Variants in KAT8 observed in about 807,000 individuals in gnomAD.
The protein encoded by KAT8 is lysine acetyltransferase 8.
Under a neutral mutation model 62.9 loss-of-function variants are expected in KAT8, and 40 were observed. That is an observed-to-expected ratio of 0.64 (90% CI 0.49 to 0.83). The LOEUF (loss-of-function observed/expected upper bound fraction) is 0.83. KAT8 is among the 40% of genes least tolerant of loss of function. The pLI, the probability that KAT8 is intolerant of heterozygous loss-of-function variation, is 0.00. For synonymous variants in KAT8, 278 were observed against 254.5 expected, an observed-to-expected ratio of 1.09 and a Z score of -0.88; for missense variants, 387 against 614.8, an observed-to-expected ratio of 0.63 and a Z score of 3.92.
Position 31,117,817 on chromosome 16 carries a change from C to G in KAT8, c.136C>G (p.Pro46Ala). The G allele has an allele frequency of 7.0e-7, 1 of 1,436,926 alleles. No homozygotes were observed. Among genetic ancestry groups the G allele is most frequent in the Non-Finnish European group, 9.2e-7 (1 of 1,085,306 alleles). The allele number at this position is 1,436,926 out of a possible 1,614,324, so 89.0% of individuals were successfully genotyped here. Residue 46 changes from proline to alanine, a missense_variant, in exon 1 of 11, where the codon CCG (proline) becomes GCG (alanine). By Grantham distance (27) the Pro-to-Ala change is conservative (BLOSUM62 -1). This residue lies in a region of KAT8 where 92 missense variants were observed against 78.8 expected (regional missense o/e 1.17). Transcript: ENST00000219797. ...PSPGRVSPPT[P>A]ARGEPEVTVE... is the part of the protein sequence containing the mutation. ...CCCGGGCCGCGTCTCTCCGCCGACC[C>G]CGGCGCGCGGCGAGCCGGAAGTCAC...
At chr16:31,118,298 C>T (rs2143961589) in intron 1 of KAT8, 1 of 168,042 alleles carries the variant, frequency 6.0e-6, no homozygotes, top group East Asian at 1.6e-4. Flanking sequence ...CTTCCCTTTC[C>T]TAAAGTTCTG....
chr16:31,117,937 CA>C (rs1432702395), intron 1 of KAT8, 45 bp downstream of exon 1: 14 of 1,213,722 alleles, frequency 1.2e-5, no homozygotes, highest in South Asian at 5.7e-5. Flanking sequence ...AGCTCAGGGC[CA>C]GGGGGTGGGG....
intron 3 of KAT8, 35 bp from the exon 4 acceptor site, chr16:31,127,000 T>C (rs772508917): frequency 6.2e-7 from 1 of 1,613,374 alleles, no homozygotes; most frequent in Non-Finnish European, 8.5e-7. Context: ...TCACCACTTC[T>C]GTTCACCTCT....
intron 3 of KAT8, among the ~76,000 whole-genome samples, chr16:31,123,377 T>G (rs2057511592): frequency 6.6e-6 from 1 of 150,994 alleles, no homozygotes; most frequent in African/African-American, 2.4e-5. Context: ...CCATCATGCC[T>G]GGCTAATTTT....
intron 1 of KAT8, 109 bp from the exon 2 acceptor site, chr16:31,120,077 G>A (rs2057481948): frequency 2.4e-6 from 2 of 833,158 alleles, no homozygotes; most frequent in Non-Finnish European, 4.1e-6. Context: ...GTGGACCAGT[G>A]AGGTTAGCTG....
chr16:31,117,961 A>G, intron 1 of KAT8, 69 bp downstream of exon 1: 6 of 1,171,076 alleles, frequency 5.1e-6, no homozygotes, highest in Non-Finnish European at 5.5e-6. Context: ...GGGCCTGAGG[A>G]CAGGCTGTCA....
chr16:31,129,478 G>T (rs9936329), intron 6 of KAT8, among the ~76,000 whole-genome samples: 48,296 of 152,064 alleles, frequency 0.32, 9,649 homozygotes, highest in East Asian at 0.89. Flanking sequence ...TTGGATGAGA[G>T]AGTGGCTGTG....
intron 2 of KAT8, 29 bp downstream of exon 2, chr16:31,120,289 G>A: frequency 6.2e-7 from 1 of 1,614,020 alleles, no homozygotes. Context: ...CTGGGCGTGG[G>A]TGCAGGGAGT....
chr16:31,123,160 C>T (rs568591187), intron 3 of KAT8, among the ~76,000 whole-genome samples: 42 of 152,280 alleles, frequency 2.8e-4, no homozygotes, highest in African/African-American at 7.7e-4. Context: ...TCCATCCAGC[C>T]TGGGTGTCCG....
rs768329445 is a variant in KAT8, at chr16:31,131,218, G to T, written c.1336G>T (p.Ala446Ser). 1 of 1,614,130 alleles carries T rather than the reference G, an allele frequency of 6.2e-7. No homozygotes were observed. The highest frequency in any genetic ancestry group is 1.7e-5 in the Admixed American group (1 of 60,016). ...ITVDSVCLKW[A>S]PPKHKQVKLS... ...AGTGGACTCCGTCTGCCTCAAGTGG[G>T]CACCCCCCAAGCACAAGCAAGTCAA... Residue 446 changes from alanine (A) to serine (S), a missense_variant, in exon 11 of 11, where the codon GCA becomes TCA. By Grantham distance (99) the Ala-to-Ser change is moderately conservative. Around this residue, in one of 6 missense-constraint regions of KAT8, gnomAD observed 75 missense variants for 105.7 expected, o/e 0.71. Coordinates refer to ENST00000219797, the MANE Select transcript of KAT8 (RefSeq NM_032188.3).
At chr16:31,121,310 G>C (rs1290817572) in intron 3 of KAT8, among the ~76,000 whole-genome samples, 1 of 151,924 alleles carries the variant, frequency 6.6e-6, no homozygotes. Context: ...TAGTAGAGAC[G>C]AGGTTTCGCC....
chr16:31,127,463 A>G, intron 5 of KAT8, 110 bp downstream of exon 5: 1 of 1,143,652 alleles, frequency 8.7e-7, no homozygotes, highest in Non-Finnish European at 1.3e-6. Flanking sequence ...AGACAGGCCC[A>G]AAGGAGCGAG....
chr16:31,130,929 G>C, intron 10 of KAT8, 29 bp downstream of exon 10: 1 of 1,598,996 alleles, frequency 6.3e-7, no homozygotes, highest in Non-Finnish European at 8.5e-7. Flanking sequence ...TGTGTCGGGG[G>C]CGGTGGGGGA....
chr16:31,129,153 T>C (rs1466621548), intron 6 of KAT8, among the ~76,000 whole-genome samples: 2 of 152,240 alleles, frequency 1.3e-5, no homozygotes, highest in Non-Finnish European at 2.9e-5. Flanking sequence ...ACAGCAAATG[T>C]CAAGTGTTTA....
At chr16:31,127,490 T>G (rs1201067175) in intron 5 of KAT8, 137 bp downstream of exon 5, 1 of 891,468 alleles carries the variant, frequency 1.1e-6, no homozygotes, top group Non-Finnish European at 1.7e-6. Flanking sequence ...GAAGAGCTGC[T>G]GGGGGTCAGG....
intron 6 of KAT8, among the ~76,000 whole-genome samples, chr16:31,129,657 G>A (rs2057558460): frequency 6.6e-6 from 1 of 152,192 alleles, no homozygotes; most frequent in Non-Finnish European, 1.5e-5. Flanking sequence ...AGGCGCTGGG[G>A]ACACAGCCAT....
chr16:31,126,832 G>T, intron 3 of KAT8: 1 of 584,862 alleles, frequency 1.7e-6, no homozygotes, highest in Non-Finnish European at 3.0e-6. Context: ...CTGGGATATC[G>T]GGGGTGGGGC....
intron 3 of KAT8, among the ~76,000 whole-genome samples, chr16:31,125,196 GAA>G (rs112449297): frequency 7.4e-6 from 1 of 135,808 alleles, no homozygotes. Flanking sequence ...TATCTCAGAA[GAA>G]AAAAAAAAAA....
chr16:31,122,840 GCTCA>G (rs2057506814), intron 3 of KAT8, among the ~76,000 whole-genome samples: 1 of 150,736 alleles, frequency 6.6e-6, no homozygotes, highest in Non-Finnish European at 1.5e-5. Context: ...GAGATCCTGG[GCTCA>G]CTCCAGCCTG....
Sources: allele counts gnomAD v4.1 joint callset (sites outside exome capture counted in the v4.1 genomes callset), GRCh38; gene constraint gnomAD v4.1.1; regional missense constraint gnomAD v4.1.1; transcripts MANE v1.5; gene names NCBI Gene and HGNC (gene_info 2026-07-23, HGNC 2026-07-21).